The following EME2 variants were observed in gnomAD, a reference collection of about 807,000 sequenced individuals.
EME2 encodes structure-specific endonuclease subunit EME2.
EME2 carries 58 observed loss-of-function variants against 41.9 expected under a neutral mutation model. The ratio of observed to expected loss-of-function variants is 1.38; its 90% confidence interval spans 1.12 to 1.72. The LOEUF is 1.72. EME2 is among the 40% of genes most tolerant of loss of function. EME2 has a pLI of 0.00. For missense variants in EME2, 695 were observed against 541.9 expected (o/e 1.28, Z -2.81); for synonymous variants, 334 against 239.3 (o/e 1.40, Z -3.65).
Position 1,781,309 on chromosome 16 carries a change from A to T in EME2, c.*5071A>T. On this transcript the variant is annotated 3_prime_UTR_variant, in exon 8 of 8. Transcript: ENST00000568449. ...TAATGTCTGCCTGCCTGCCTAGGGCATCTCCACACCTTAGGCCAGCCACGT... is the reference window on the plus strand; with the variant it reads ...TAATGTCTGCCTGCCTGCCTAGGGCTTCTCCACACCTTAGGCCAGCCACGT... 6.2e-7 allele frequency: 1 copy of T among 1,612,764 alleles called. No homozygotes were observed. Among genetic ancestry groups the T allele is most frequent in the Non-Finnish European group, 8.5e-7 (1 of 1,179,974 alleles).
rs1212292739 is a variant in EME2 at position 1,778,174 on chromosome 16, C to T, written c.*1936C>T. On this transcript the variant is annotated 3_prime_UTR_variant, in exon 8 of 8. Transcript: ENST00000568449. ...GACGGGAGAGGTCATCTTGATCTCCCAGAAGTGCTGGCCCTCCCCCAGCTC... is the reference window on the plus strand; with the variant it reads ...GACGGGAGAGGTCATCTTGATCTCCTAGAAGTGCTGGCCCTCCCCCAGCTC... The T allele has an allele frequency of 2.5e-6, 4 of 1,612,838 alleles. No homozygotes were observed. Among genetic ancestry groups the T allele is most frequent in the African/African-American group, 1.3e-5 (1 of 74,944 alleles).
At position 1,778,191 on chromosome 16, in the gene EME2, C is replaced by G. The variant is rs774972965; in HGVS notation, c.*1953C>G. 2.6e-5 allele frequency: 42 copies of G among 1,612,872 alleles called. No homozygotes were observed. The highest frequency in any genetic ancestry group is 3.4e-5 in the Non-Finnish European group (40 of 1,179,974). On this transcript the variant is annotated 3_prime_UTR_variant, in exon 8 of 8. Coordinates refer to ENST00000568449, the MANE Select transcript of EME2 (RefSeq NM_001257370.2). ...TGATCTCCCAGAAGTGCTGGCCCTC[C>G]CCCAGCTCCTTGGTGCCCCGGATGG...
rs553580165 is a variant in EME2 at position 1,776,526 on chromosome 16, C to T, written c.*288C>T. 40 of 420,898 alleles carry T rather than the reference C, an allele frequency of 9.5e-5. No individual in the cohort carries two copies. Among genetic ancestry groups the T allele is most frequent in the Middle Eastern group, 6.2e-4 (1 of 1,606 alleles). 26.1% of individuals were successfully genotyped at this position (420,898 alleles called of 1,614,324 possible). A position where few individuals can be genotyped will look rare whatever the true frequency, so the allele number is the denominator to read the frequency against. ...GGGCTGTGCCCCCCCAACACACACA[C>T]ACACTCGGCAGGGACCAGAAGGCAG... On this transcript the variant is annotated 3_prime_UTR_variant, in exon 8 of 8. Coordinates refer to ENST00000568449, the MANE Select transcript of EME2 (RefSeq NM_001257370.2).
At chr16:1,774,688 G>C (rs754109074) in intron 3 of EME2, among the ~76,000 whole-genome samples, 1 of 152,258 alleles carries the variant, frequency 6.6e-6, no homozygotes, top group African/African-American at 2.4e-5. Context: ...GCCAGGTAGC[G>C]TGGGGTTAGG....
rs754966498 is a variant in EME2, at chr16:1,775,122, G to A, written c.559G>A (p.Ala187Thr). ...CCACCTGGCTGTCATCGGGCTGGAT[G>A]CCTACCTGTGGTACCGCTCACTCTC... ...RPHLAVIGLD[A>T]YLWSRQHVSR... Residue 187 changes from alanine (A) to threonine (T), a missense_variant, in exon 4 of 8, where the codon GCC becomes ACC. By Grantham distance (58) the Ala-to-Thr change is moderately conservative. Transcript: ENST00000568449. 3 of 1,612,036 alleles carry A rather than the reference G, an allele frequency of 1.9e-6. No homozygotes were observed. Among genetic ancestry groups the A allele is most frequent in the East Asian group, 4.5e-5 (2 of 44,876 alleles).
At position 1,778,881 on chromosome 16, in the gene EME2, C is replaced by T. The variant is rs1026109552; in HGVS notation, c.*2643C>T. The T allele has an allele frequency of 6.6e-5, 25 of 378,544 alleles. No individual in the cohort carries two copies. Among genetic ancestry groups the T allele is most frequent in the Admixed American group, 2.2e-4 (5 of 22,858 alleles). 23.4% of individuals were successfully genotyped at this position (378,544 alleles called of 1,614,324 possible). On this transcript the variant is annotated 3_prime_UTR_variant, in exon 8 of 8. Transcript: ENST00000568449. The stretch of plus-strand genomic sequence containing the variant: ...GCCTGGCCTCCAAGTGGTTTCTAGA[C>T]GGTGGATAAGCCCCAGGTCCACCCC...
At position 1,780,950 on chromosome 16, in the gene EME2, C is replaced by G; in HGVS notation, c.*4712C>G. On this transcript the variant is annotated 3_prime_UTR_variant, in exon 8 of 8. Transcript: ENST00000568449. ...GTTTCACCATGTTGCCCAGGCAGGT[C>G]TCAAACTCCTGGGCTCAAGTGGTCC... The G allele has an allele frequency of 2.9e-6, 1 of 350,070 alleles. No homozygotes were observed. Among genetic ancestry groups the G allele is most frequent in the South Asian group, 2.3e-5 (1 of 44,248 alleles). 21.7% of individuals were successfully genotyped at this position (350,070 alleles called of 1,614,324 possible).
intron 3 of EME2, 72 bp from the exon 4 acceptor site, chr16:1,774,969 T>C: frequency 1.7e-6 from 2 of 1,201,090 alleles, no homozygotes; most frequent in Admixed American, 3.8e-5. Context: ...GCAAACCAGC[T>C]GTGGCCTGGT....
At position 1,776,340 on chromosome 16, in the gene EME2, G is replaced by T; in HGVS notation, c.*102G>T. The T allele has an allele frequency of 7.8e-7, 1 of 1,285,376 alleles. No homozygotes were observed. Among genetic ancestry groups the T allele is most frequent in the South Asian group, 1.3e-5 (1 of 74,376 alleles). The allele number at this position is 1,285,376 out of a possible 1,614,324, so 79.6% of individuals were successfully genotyped here. On this transcript the variant is annotated 3_prime_UTR_variant, in exon 8 of 8. Transcript: ENST00000568449. ...AGCCACATGTGGACCCTCAGCCTGG[G>T]TGGGTTCTCTGGCTGAGCAGGTCTG...
intron 3 of EME2, among the ~76,000 whole-genome samples, chr16:1,774,747 C>G (rs562209664): frequency 6.6e-6 from 1 of 152,256 alleles, no homozygotes; most frequent in African/African-American, 2.4e-5. Context: ...GTCTCTCAAG[C>G]TGCTGCTTTG....
chr16:1,776,547 G>A lies in EME2; in HGVS notation c.*309G>A, dbSNP rs984112922. On this transcript the variant is annotated 3_prime_UTR_variant, in exon 8 of 8. Transcript: ENST00000568449. Reference sequence around the variant, plus strand: ...CACACACACTCGGCAGGGACCAGAAGGCAGCTCCAGGGCCCCACTGCCACC... The same window carrying A: ...CACACACACTCGGCAGGGACCAGAAAGCAGCTCCAGGGCCCCACTGCCACC... The A allele has an allele frequency of 1.1e-5, 4 of 375,270 alleles. No homozygotes were observed. The highest frequency in any genetic ancestry group is 1.4e-5 in the Non-Finnish European group (3 of 207,052). The allele number at this position is 375,270 out of a possible 1,614,324, so 23.2% of individuals were successfully genotyped here.
chr16:1,775,282 G>A, intron 4 of EME2, 33 bp from the exon 5 acceptor site: 1 of 1,604,160 alleles, frequency 6.2e-7, no homozygotes, highest in Non-Finnish European at 8.5e-7. Context: ...CAGGCCCCAT[G>A]GGGAGCGGGG....
chr16:1,774,137 C>G lies in EME2; in HGVS notation c.385-123C>G, dbSNP rs9924596. 9.6e-4 allele frequency: 841 copies of G among 878,080 alleles called. 6 individuals carry two copies. In the African/African-American group the frequency reaches 0.013, roughly 13 times the overall value. 54.4% of individuals were successfully genotyped at this position (878,080 alleles called of 1,614,324 possible). A position where few individuals can be genotyped will look rare whatever the true frequency, so the allele number is the denominator to read the frequency against. ...AAGGGAACACTGGGCTTCTGTAGAG[C>G]AGGCCTGTCAGGGCCTGGGCTTGGC... On this transcript the variant is annotated intron_variant, in intron 2 of 7. Transcript: ENST00000568449.
Position 1,773,033 on chromosome 16 carries a change from G to A in EME2, c.-195G>A. 7.0e-7 allele frequency: 1 copy of A among 1,437,432 alleles called. No homozygotes were observed. Among genetic ancestry groups the A allele is most frequent in the Non-Finnish European group, 9.1e-7 (1 of 1,096,660 alleles). The allele number at this position is 1,437,432 out of a possible 1,614,324, so 89.0% of individuals were successfully genotyped here. ...AGTCCACCGCGTAGAGCTGGGAGTC[G>A]CGCGGCCTGTTCAGTTGCTCCCGCA... is the stretch of plus-strand genomic sequence containing the variant. On this transcript the variant is annotated 5_prime_UTR_variant, in exon 1 of 8. Transcript: ENST00000568449.
intron 4 of EME2, 80 bp from the exon 5 acceptor site, chr16:1,775,235 C>G (rs1382121331): frequency 1.3e-6 from 2 of 1,582,530 alleles, no homozygotes; most frequent in African/African-American, 1.3e-5. Context: ...TCCCACTTCT[C>G]CAGGTGGGCT....
rs529471695 is a variant in EME2 at position 1,778,753 on chromosome 16, C to T, written c.*2515C>T. 1,780 of 909,754 alleles carry T rather than the reference C, an allele frequency of 2.0e-3. 4 individuals are homozygous for T. Among genetic ancestry groups the T allele is most frequent in the Non-Finnish European group, 2.5e-3 (1,589 of 628,990 alleles). 56.4% of individuals were successfully genotyped at this position (909,754 alleles called of 1,614,324 possible). On this transcript the variant is annotated 3_prime_UTR_variant, in exon 8 of 8. Transcript: ENST00000568449. ...GGCCTCCAGGGACTTCACAGTACCC[C>T]GAGCGCACAGCCCAGGCTCCCTCCC...
Position 1,778,938 on chromosome 16 carries a change from T to G in EME2, c.*2700T>G. The G allele has an allele frequency of 1.3e-5, 3 of 238,312 alleles. No homozygotes were observed. The highest frequency in any genetic ancestry group is 1.6e-5 in the Non-Finnish European group (2 of 123,564). 14.8% of individuals were successfully genotyped at this position (238,312 alleles called of 1,614,324 possible). Reference sequence around the variant, plus strand: ...CCAGAGCTGAGATGGTGTGGACACCTTCCCTGCTAGGCCAGCCCTGCAGGG... The same window carrying G: ...CCAGAGCTGAGATGGTGTGGACACCGTCCCTGCTAGGCCAGCCCTGCAGGG... On this transcript the variant is annotated 3_prime_UTR_variant, in exon 8 of 8. Coordinates refer to ENST00000568449, the MANE Select transcript of EME2 (RefSeq NM_001257370.2).
chr16:1,776,447 C>T lies in EME2; in HGVS notation c.*209C>T, dbSNP rs1026731582. On this transcript the variant is annotated 3_prime_UTR_variant, in exon 8 of 8. Transcript: ENST00000568449. ...GGGCTTCTGGCTGGCAGATGGCTGG[C>T]GGTTCCTGTGCTGAGTCCTGAACAC... 14 of 566,510 alleles carry T rather than the reference C, an allele frequency of 2.5e-5. No homozygotes were observed. The highest frequency in any genetic ancestry group is 3.4e-5 in the Non-Finnish European group (11 of 321,980). 35.1% of individuals were successfully genotyped at this position (566,510 alleles called of 1,614,324 possible).
In EME2 at chr16:1,776,673, GC is replaced by G. The variant is rs547962014; in HGVS notation, c.*438del. On this transcript the variant is annotated 3_prime_UTR_variant, in exon 8 of 8. Coordinates refer to ENST00000568449, the MANE Select transcript of EME2 (RefSeq NM_001257370.2). ...GGGAGAAGGCCCAGGCTGCTCGCAA[GC>G]CCGGCCTCTGCACGGATACGTTTCA... 32 of 285,198 alleles carry G rather than the reference GC, an allele frequency of 1.1e-4. No individual in the cohort carries two copies. In the East Asian group the frequency reaches 2.3e-3, roughly 21 times the overall value. The allele number at this position is 285,198 out of a possible 1,614,324, so 17.7% of individuals were successfully genotyped here.
Sources: gnomAD v4.1 joint callset for allele counts (sites outside exome capture counted in the v4.1 genomes callset) on GRCh38, gnomAD v4.1.1 for gene constraint, MANE v1.5 for transcripts, NCBI Gene and HGNC (gene_info 2026-07-23, HGNC 2026-07-21) for gene names.